ZNF800: variants seen among roughly 807,000 people sequenced by gnomAD.
The protein encoded by ZNF800 is zinc finger protein 800.
A neutral mutation model predicts 59.5 loss-of-function variants in ZNF800; 13 were observed. That is an observed-to-expected ratio of 0.22 (90% confidence interval 0.14 to 0.35). The LOEUF (loss-of-function observed/expected upper bound fraction) is 0.35, where lower values mean the gene tolerates loss of function less well. Among genes scored for constraint, ZNF800 ranks in the 10% least tolerant of loss-of-function variants. The probability of loss-of-function intolerance (pLI) is 1.00; values close to 1 mark genes in which losing one functional copy is unlikely to be tolerated. For synonymous variants in ZNF800, 266 were observed against 265.7 expected (o/e 1.00, Z -0.01); for missense variants, 621 against 783.7 (o/e 0.79, Z 2.48).
chr7:127,369,099 G>A (rs922245628), downstream of ZNF800, among the ~76,000 whole-genome samples: 1 of 151,462 alleles, frequency 6.6e-6, no homozygotes, highest in Admixed American at 6.6e-5. Flanking sequence ...CCTGCCCAAT[G>A]TCAGCTATAC....
downstream of ZNF800, among the ~76,000 whole-genome samples, chr7:127,365,939 T>C (rs1356368807): frequency 6.6e-6 from 1 of 152,182 alleles, no homozygotes; most frequent in Non-Finnish European, 1.5e-5. Context: ...TAATATTTAC[T>C]GAGCTCTTCC....
chr7:127,359,804 A>C (rs1271506050), intron 1 of ZNF800: 1 of 152,088 alleles, frequency 6.6e-6, no homozygotes, highest in African/African-American at 2.4e-5. Context: ...CTGCGTACTG[A>C]AACTTTAATG....
At chr7:127,366,663 T>C (rs907504231), downstream of ZNF800, among the ~76,000 whole-genome samples, 4 of 152,166 alleles carry the variant, frequency 2.6e-5, no homozygotes, top group East Asian at 1.9e-4. Context: ...AAAACATGTA[T>C]ACTGGAAAGC....
chr7:127,388,692 T>C (rs571195364), intron 2 of ZNF800, among the ~76,000 whole-genome samples: 3 of 152,268 alleles, frequency 2.0e-5, no homozygotes, highest in African/African-American at 7.2e-5. Context: ...GGCTAAATAT[T>C]CTTACCCACC....
At chr7:127,369,847 T>A (rs376166785), downstream of ZNF800, among the ~76,000 whole-genome samples, 2 of 152,042 alleles carry the variant, frequency 1.3e-5, no homozygotes, top group East Asian at 3.9e-4. Flanking sequence ...CCAATATCAA[T>A]TTTTCTTTCT....
At chr7:127,356,436 G>A (rs1258570395) in intron 1 of ZNF800, among the ~76,000 whole-genome samples, 1 of 152,004 alleles carries the variant, frequency 6.6e-6, no homozygotes, top group Non-Finnish European at 1.5e-5. Flanking sequence ...AATGCAGAAA[G>A]CATATATTCT....
intron 1 of ZNF800, 144 bp from the exon 2 acceptor site, chr7:127,391,759 G>A (rs1409347114): frequency 8.0e-6 from 5 of 621,894 alleles, no homozygotes; most frequent in Non-Finnish European, 1.4e-5. Flanking sequence ...ACAGAAAGAC[G>A]CACAAACCCT....
At chr7:127,347,849 G>C (rs1800095776) in exon 2 of ZNF800, 2 of 151,418 alleles carry the variant, frequency 1.3e-5, no homozygotes, top group African/African-American at 4.8e-5. Context: ...GCGGCCAGGC[G>C]GCGGCGCTCA....
In ZNF800 at chr7:127,350,808, CTCA is replaced by C. The variant is rs375687555; in HGVS notation, n.225-2768_225-2766del. On this transcript the variant is annotated intron_variant and non_coding_transcript_variant, in intron 1 of 1. Transcript: ENST00000485577. ...CACAATGACGTGCAGCAATCCTTTCCTCATCAAGCAGGAAAACCATGCTGTGTT... is the reference window on the plus strand; with the variant it reads ...CACAATGACGTGCAGCAATCCTTTCCTCAAGCAGGAAAACCATGCTGTGTT... Among the ~76,000 whole-genome samples the C allele has an allele frequency of 5.8e-4, 89 of 152,314 alleles. No homozygotes were observed. The East Asian group carries it at 0.013, about 23-fold the overall frequency.
At chr7:127,366,444 CTCTT>C (rs1422857599), downstream of ZNF800, among the ~76,000 whole-genome samples, 2 of 152,148 alleles carry the variant, frequency 1.3e-5, no homozygotes, top group Non-Finnish European at 2.9e-5. Flanking sequence ...AATGTAATGG[CTCTT>C]TCTGAGGGAA....
chr7:127,390,260 T>C (rs923347679), intron 2 of ZNF800, among the ~76,000 whole-genome samples: 12 of 152,206 alleles, frequency 7.9e-5, no homozygotes, highest in Non-Finnish European at 1.5e-4. Flanking sequence ...CAAACTCCAT[T>C]CAACATCAGT....
intron 1 of ZNF800, among the ~76,000 whole-genome samples, chr7:127,356,677 A>G (rs941494327): frequency 6.6e-6 from 1 of 152,054 alleles, no homozygotes; most frequent in African/African-American, 2.4e-5. Context: ...TGTGGATATT[A>G]GGCTTTAATG....
intron 1 of ZNF800, chr7:127,361,279 A>C (rs912985296): frequency 1.3e-5 from 2 of 152,138 alleles, no homozygotes; most frequent in Non-Finnish European, 2.9e-5. Flanking sequence ...ATTTGCACTT[A>C]AGAAAAATCA....
intron 2 of ZNF800, among the ~76,000 whole-genome samples, chr7:127,390,130 G>A (rs1213180519): frequency 1.3e-5 from 2 of 151,994 alleles, no homozygotes; most frequent in Admixed American, 6.5e-5. Flanking sequence ...TAAATAAGAT[G>A]GTTTCATTAA....
intron 3 of ZNF800, among the ~76,000 whole-genome samples, chr7:127,384,481 G>A (rs987490966): frequency 6.6e-6 from 1 of 151,512 alleles, no homozygotes; most frequent in African/African-American, 2.4e-5. Flanking sequence ...TGATCTGCCC[G>A]CCTCGGCCTC....
chr7:127,363,129 A>T (rs1800428772), intron 1 of ZNF800: 1 of 152,104 alleles, frequency 6.6e-6, no homozygotes. Flanking sequence ...CATAGGAAGA[A>T]ATTTTAAAAG....
At chr7:127,376,062 G>A (rs1800781509) in intron 4 of ZNF800, among the ~76,000 whole-genome samples, 1 of 151,822 alleles carries the variant, frequency 6.6e-6, no homozygotes, top group Non-Finnish European at 1.5e-5. Context: ...TTTTCTACTA[G>A]TATTTTAATT....
chr7:127,363,540 T>C (rs570505764), intron 1 of ZNF800: 1 of 150,678 alleles, frequency 6.6e-6, no homozygotes, highest in South Asian at 2.1e-4. Flanking sequence ...CCTTAAGAAA[T>C]GTATAGCCTA....
At chr7:127,390,970 A>G (rs1390810223) in intron 2 of ZNF800, among the ~76,000 whole-genome samples, 2 of 152,240 alleles carry the variant, frequency 1.3e-5, no homozygotes, top group African/African-American at 2.4e-5. Context: ...TCGCAATATA[A>G]TATGTTCTGC....
Sources: allele counts gnomAD v4.1 joint callset (sites outside exome capture counted in the v4.1 genomes callset), GRCh38; gene constraint gnomAD v4.1.1; transcripts MANE v1.5; gene names NCBI Gene and HGNC (gene_info 2026-07-23, HGNC 2026-07-21).